Variants in DMPK observed in about 807,000 individuals in gnomAD.
DMPK encodes DM1 protein kinase, also known as myotonin-protein kinase.
A neutral mutation model predicts 70.3 loss-of-function variants in DMPK; 32 were observed. The observed-to-expected ratio is 0.46, with a 90% CI of 0.34 to 0.61. The LOEUF (loss-of-function observed/expected upper bound fraction) is 0.61, where lower values mean the gene tolerates loss of function less well. DMPK is among the 20% of genes least tolerant of loss of function. The probability of loss-of-function intolerance (pLI) is 0.01; values close to 1 mark genes in which losing one functional copy is unlikely to be tolerated. For missense variants in DMPK, 899 were observed against 886.0 expected, an observed-to-expected ratio of 1.01 and a Z score of -0.19; for synonymous variants, 469 against 390.9, an observed-to-expected ratio of 1.20 and a Z score of -2.36.
Position 45,771,786 on chromosome 19 carries a change from T to C in DMPK, c.1487A>G (p.Asn496Ser). The change falls in exon 11 of 15, where the codon AAC (asparagine) becomes AGC (serine). Residue 496 changes from asparagine to serine, a missense_variant. Coordinates refer to ENST00000291270, the MANE Select transcript of DMPK (RefSeq NM_004409.5). Reference sequence around the variant, plus strand: ...CGATCCCGACCTGGCGAAGTTCTGGTTGTCCGTGCGGATGGCCTCCATCTC... The same window carrying C: ...CGATCCCGACCTGGCGAAGTTCTGGCTGTCCGTGCGGATGGCCTCCATCTC... ...SREMEAIRTD[N>S]QNFASQLREA... 2 of 1,570,524 alleles carry C rather than the reference T, an allele frequency of 1.3e-6. No homozygotes were observed. Among genetic ancestry groups the C allele is most frequent in the South Asian group, 2.3e-5 (2 of 86,630 alleles).
intron 1 of DMPK, chr19:45,780,277 T>C: frequency 6.6e-7 from 1 of 1,526,072 alleles, no homozygotes; most frequent in Non-Finnish European, 8.8e-7. Flanking sequence ...CGTTCTCATG[T>C]AGAATGTCCT....
intron 1 of DMPK, chr19:45,780,310 T>A: frequency 1.9e-6 from 3 of 1,563,682 alleles, no homozygotes; most frequent in Non-Finnish European, 2.6e-6. Flanking sequence ...AGACGTGGGG[T>A]TGTATCCAGT....
rs369293695 is a variant in DMPK, at chr19:45,770,674, G to A, written c.1738-34C>T. ...AGAGGGCGAGGTCAACACCCGGCAT[G>A]GGCCTCTGATTGGCTCCTGGGACTC... On this transcript the variant is annotated intron_variant, in intron 14 of 14. Transcript: ENST00000291270. 1.5e-5 allele frequency: 23 copies of A among 1,546,304 alleles called. No homozygotes were observed. In the East Asian group the frequency reaches 4.4e-4, roughly 30 times the overall value.
At chr19:45,773,959 T>TC (rs1346865961) in intron 9 of DMPK, among the ~76,000 whole-genome samples, 1 of 151,008 alleles carries the variant, frequency 6.6e-6, no homozygotes, top group Non-Finnish European at 1.5e-5. Flanking sequence ...TTAGTACTTT[T>TC]TTTTTTTTTT....
intron 1 of DMPK, 72 bp downstream of exon 1, chr19:45,782,121 G>T: frequency 1.5e-6 from 1 of 661,068 alleles, no homozygotes. Context: ...CAACAGCCAG[G>T]CCTCTGTGCC....
rs1179867151 is a variant in DMPK at position 45,777,311 on chromosome 19, G to C, written c.1146+16C>G. On this transcript the variant is annotated intron_variant, in intron 8 of 14. Transcript: ENST00000291270. The surrounding 1 kb of genome is among the most constrained non-coding windows in gnomAD (Gnocchi z 6.7). ...GGGGAGGTTCCCGCAGCCGAGCAGG[G>C]GCCACAGGTACCTACCCCGCCCCCG... 2.6e-6 allele frequency: 4 copies of C among 1,548,434 alleles called. No individual in the cohort carries two copies. The highest frequency in any genetic ancestry group is 3.5e-6 in the Non-Finnish European group (4 of 1,145,904).
chr19:45,780,034 T>A (rs1434874145), intron 1 of DMPK, 165 bp from the exon 2 acceptor site: 43 of 1,543,028 alleles, frequency 2.8e-5, no homozygotes, highest in Non-Finnish European at 3.6e-5. Context: ...CGTGTAAGGT[T>A]CTGGGGGCCA....
In DMPK at chr19:45,782,362, G is replaced by GC. The variant is rs774041974; in HGVS notation, c.-11dup. ...GCACCTCGGCTGACATGTTGGACAG[G>GC]CAGCACCATGGCCCCTCCCCGGGCC... On this transcript the variant is annotated 5_prime_UTR_variant, in exon 1 of 15. Coordinates refer to ENST00000291270, the MANE Select transcript of DMPK (RefSeq NM_004409.5). 63 of 1,560,420 alleles carry GC rather than the reference G, an allele frequency of 4.0e-5. No homozygotes were observed. Among genetic ancestry groups the GC allele is most frequent in the Non-Finnish European group, 5.0e-5 (58 of 1,153,536 alleles).
chr19:45,775,284 C>T, intron 8 of DMPK: 2 of 427,974 alleles, frequency 4.7e-6, no homozygotes, highest in Non-Finnish European at 8.6e-6. Context: ...TCTCCTGCCT[C>T]AGCGTCCTGA....
rs529257567 is a variant in DMPK at position 45,770,795 on chromosome 19, G to A, written c.1738-155C>T. 47 of 1,038,808 alleles carry A rather than the reference G, an allele frequency of 4.5e-5. No homozygotes were observed. In the African/African-American group the frequency reaches 5.5e-4, roughly 12 times the overall value. 64.3% of individuals were successfully genotyped at this position (1,038,808 alleles called of 1,614,324 possible). On this transcript the variant is annotated intron_variant, in intron 14 of 14. Transcript: ENST00000291270. ...TGTTGTTAGTCCACTCGCACGCCTC[G>A]AATCCCGTCCGAACTCGTCATTGGC...
chr19:45,780,102 G>A lies in DMPK; in HGVS notation c.161-233C>T, dbSNP rs1970036000. On this transcript the variant is annotated intron_variant, in intron 1 of 14. Coordinates refer to ENST00000291270, the MANE Select transcript of DMPK (RefSeq NM_004409.5). ...GAAGCCCTTTGCGGGACAGGGCATT[G>A]GCCCAGAGGGCTCCAAGGGTGTGCA... The A allele has an allele frequency of 3.4e-6, 5 of 1,476,806 alleles. No homozygotes were observed. The East Asian group carries it at 1.2e-4, about 37-fold the overall frequency. 91.5% of individuals were successfully genotyped at this position (1,476,806 alleles called of 1,614,324 possible).
chr19:45,771,548 G>A lies in DMPK; in HGVS notation c.1600+20C>T. 1 of 1,613,798 alleles carries A rather than the reference G, an allele frequency of 6.2e-7. No homozygotes were observed. The highest frequency in any genetic ancestry group is 8.5e-7 in the Non-Finnish European group (1 of 1,179,858). The stretch of plus-strand genomic sequence containing the variant: ...ACCTCCTCCCGGTCCTCCGGGGAAG[G>A]GGACACATGAGGGACTCACCTGTGG... On this transcript the variant is annotated intron_variant, in intron 12 of 14. Transcript: ENST00000291270.
At chr19:45,779,185 G>T in intron 4 of DMPK, 79 bp downstream of exon 4, 1 of 1,455,352 alleles carries the variant, frequency 6.9e-7, no homozygotes, top group Non-Finnish European at 9.6e-7. Flanking sequence ...CAATCCTAGA[G>T]CTTCCTCTCC....
chr19:45,772,700 G>A lies in DMPK; in HGVS notation c.1285C>T (p.Leu429Phe). The A allele has an allele frequency of 6.6e-7, 1 of 1,523,504 alleles. No individual in the cohort carries two copies. Among genetic ancestry groups the A allele is most frequent in the Non-Finnish European group, 8.7e-7 (1 of 1,147,146 alleles). The allele number at this position is 1,523,504 out of a possible 1,614,324, so 94.4% of individuals were successfully genotyped here. A position where few individuals can be genotyped will look rare whatever the true frequency, so the allele number is the denominator to read the frequency against. ...TPMELEAEQL[L>F]EPHVQAPSLE... ...CTGGGCGCTTGCACGTGTGGCTCAA[G>A]CAGCTGCTCGGCCTCCAGTTCCATG... The change falls in exon 10 of 15, where the codon CTT (leucine) becomes TTT (phenylalanine). Residue 429 changes from leucine (L) to phenylalanine (F), a missense_variant. By Grantham distance (22) the Leu-to-Phe change is conservative. This residue lies in a region of DMPK where 555 missense variants were observed against 483.8 expected (regional missense o/e 1.15). Coordinates refer to ENST00000291270, the MANE Select transcript of DMPK (RefSeq NM_004409.5).
intron 9 of DMPK, among the ~76,000 whole-genome samples, chr19:45,773,990 CTT>C (rs1195211964): frequency 8.3e-5 from 12 of 144,120 alleles, no homozygotes; most frequent in African/African-American, 3.1e-4. Flanking sequence ...AAGTTTCACT[CTT>C]GTTGCCCAGG....
chr19:45,778,392 CAAG>C, intron 5 of DMPK, 98 bp downstream of exon 5: 1 of 1,491,104 alleles, frequency 6.7e-7, no homozygotes, highest in Non-Finnish European at 9.1e-7. Flanking sequence ...GGGCCCCAAC[CAAG>C]AAGGTCCCTC....
At position 45,782,250 on chromosome 19, in the gene DMPK, C is replaced by T. The variant is rs755577294; in HGVS notation, c.103G>A (p.Glu35Lys). 7.5e-6 allele frequency: 12 copies of T among 1,610,220 alleles called. No homozygotes were observed. In the East Asian group the frequency reaches 2.5e-4, roughly 33 times the overall value. The change falls in exon 1 of 15, where the codon GAG becomes AAG. Residue 35 changes from glutamate to lysine, a missense_variant. By Grantham distance (56) the Glu-to-Lys change is moderately conservative. Transcript: ENST00000291270. Reference protein sequence around the residue: ...LLDLLLGVHQELGASELAQDK... With the variant: ...LLDLLLGVHQKLGASELAQDK... ...TGGGCCAGTTCGGAGGCGCCCAGCT[C>T]CTGGTGGACGCCCAGGAGAAGGTCG...
chr19:45,777,376 T>C lies in DMPK; in HGVS notation c.1097A>G (p.Asn366Ser), dbSNP rs769572842. ...GAGCCCGTCCTCCACCAAGTCGAAGTTGCATGTGTCGGTGGCACCTTCGAA... is the reference window on the plus strand; with the variant it reads ...GAGCCCGTCCTCCACCAAGTCGAAGCTGCATGTGTCGGTGGCACCTTCGAA... ...PDFEGATDTC[N>S]FDLVEDGLTA... is the part of the protein sequence containing the mutation. Residue 366 changes from asparagine to serine, a missense_variant, in exon 8 of 15, where the codon AAC (asparagine) becomes AGC (serine). Physicochemically the swap from Asn to Ser is conservative, Grantham distance 46. Transcript: ENST00000291270. The surrounding 1 kb of genome is among the most constrained non-coding windows in gnomAD (Gnocchi z 6.7). 15 of 1,607,618 alleles carry C rather than the reference T, an allele frequency of 9.3e-6. No individual in the cohort carries two copies. Among genetic ancestry groups the C allele is most frequent in the Non-Finnish European group, 1.3e-5 (15 of 1,176,000 alleles).
At position 45,772,005 on chromosome 19, in the gene DMPK, G is replaced by C; in HGVS notation, c.1345-77C>G. ...GACTTGGGCACTGGTTCCAGGCTAG[G>C]AATCCTTGTTTATCCCCTACTCCTC... is the stretch of plus-strand genomic sequence containing the variant. On this transcript the variant is annotated intron_variant, in intron 10 of 14. Coordinates refer to ENST00000291270, the MANE Select transcript of DMPK (RefSeq NM_004409.5). The C allele has an allele frequency of 2.1e-6, 3 of 1,463,078 alleles. No individual in the cohort carries two copies. In the South Asian group the frequency reaches 4.2e-5, roughly 20 times the overall value. The allele number at this position is 1,463,078 out of a possible 1,614,324, so 90.6% of individuals were successfully genotyped here.
Sources: allele counts gnomAD v4.1 joint callset (sites outside exome capture counted in the v4.1 genomes callset), GRCh38; gene constraint gnomAD v4.1.1; regional missense constraint gnomAD v4.1.1; non-coding constraint Gnocchi (gnomAD v3.1); transcripts MANE v1.5; gene names NCBI Gene and HGNC (gene_info 2026-07-23, HGNC 2026-07-21).